The following RAD17 variants were observed in gnomAD, a reference collection of about 807,000 sequenced individuals.
RAD17 encodes the protein RAD17 checkpoint clamp loader component.
Under a neutral mutation model 81.5 loss-of-function variants are expected in RAD17, and 31 were observed. The ratio of observed to expected loss-of-function variants is 0.38; its 90% CI spans 0.29 to 0.51. RAD17 has a LOEUF of 0.51. Among genes scored for constraint, RAD17 ranks in the 20% least tolerant of loss-of-function variants. The probability of loss-of-function intolerance (pLI) is 0.88; values close to 1 mark genes in which losing one functional copy is unlikely to be tolerated. For synonymous variants in RAD17, 261 were observed against 266.2 expected (o/e 0.98, Z 0.19); for missense variants, 681 against 781.2 (o/e 0.87, Z 1.53).
intron 4 of RAD17, 152 bp from the exon 5 acceptor site, chr5:69,373,678 T>C (rs1300551955): frequency 4.3e-6 from 3 of 693,328 alleles, no homozygotes; most frequent in Admixed American, 4.7e-5. Context: ...AGACCCGGTC[T>C]CAAAAAAATT....
intron 12 of RAD17, among the ~76,000 whole-genome samples, chr5:69,390,829 A>G (rs1034643770): frequency 8.6e-5 from 13 of 151,164 alleles, no homozygotes; most frequent in Non-Finnish European, 1.8e-4. Flanking sequence ...ATGGTGGTGC[A>G]TGTAGTCCCG....
chr5:69,392,030 C>G lies in RAD17; in HGVS notation c.1189+17C>G. ...ATTGTAAAAGTAAGAAATTTTTACA[C>G]TTTTAAAATCTGTTGGATATCACAT... On this transcript the variant is annotated intron_variant, in intron 13 of 18. Coordinates refer to ENST00000354868, the MANE Select transcript of RAD17 (RefSeq NM_133338.3). 6.8e-7 allele frequency: 1 copy of G among 1,469,578 alleles called. No individual in the cohort carries two copies. The highest frequency in any genetic ancestry group is 1.5e-5 in the African/African-American group (1 of 68,498). 91.0% of individuals were successfully genotyped at this position (1,469,578 alleles called of 1,614,324 possible). A position where few individuals can be genotyped will look rare whatever the true frequency, so the allele number is the denominator to read the frequency against.
chr5:69,374,009 G>T lies in RAD17; in HGVS notation c.189G>T (p.Gln63His), dbSNP rs1189022096. 2 of 1,611,886 alleles carry T rather than the reference G, an allele frequency of 1.2e-6. No homozygotes were observed. Among genetic ancestry groups the T allele is most frequent in the African/African-American group, 2.7e-5 (2 of 74,762 alleles). ...RKRGNLSSLE[Q>H]IYGLENSKEY... ...GAGGAAATCTATCTTCCTTAGAACA[G>T]ATTTATGGTTTAGAAAATTCAAAAG... is the stretch of plus-strand genomic sequence containing the variant. Residue 63 changes from glutamine to histidine, a missense_variant, in exon 5 of 19, where the codon CAG becomes CAT. By Grantham distance (24) the Gln-to-His change is conservative (BLOSUM62 0). Coordinates refer to ENST00000354868, the MANE Select transcript of RAD17 (RefSeq NM_133338.3).
chr5:69,396,296 A>C (rs1764881405), intron 15 of RAD17, 101 bp from the exon 16 acceptor site: 1 of 1,264,956 alleles, frequency 7.9e-7, no homozygotes, highest in Non-Finnish European at 1.1e-6. Context: ...GAAAGTGAAC[A>C]CATAGAAACT....
chr5:69,404,859 G>C (rs1287707754), intron 17 of RAD17, among the ~76,000 whole-genome samples: 5 of 152,096 alleles, frequency 3.3e-5, no homozygotes, highest in Non-Finnish European at 7.4e-5. Flanking sequence ...AGGATGGTTT[G>C]AGCCTGGGAA....
intron 12 of RAD17, among the ~76,000 whole-genome samples, chr5:69,390,952 CAAA>C (rs66906488): frequency 2.1e-5 from 3 of 142,864 alleles, no homozygotes. Context: ...GACCCTGTGT[CAAA>C]AAAAAAAAAA....
chr5:69,379,816 T>A (rs1763733817), intron 6 of RAD17, among the ~76,000 whole-genome samples: 1 of 152,082 alleles, frequency 6.6e-6, no homozygotes, highest in Non-Finnish European at 1.5e-5. Context: ...TGTCATCTCT[T>A]ATGACAACAG....
At chr5:69,386,528 A>G (rs1288932804) in intron 11 of RAD17, 63 bp downstream of exon 11, 13 of 1,425,854 alleles carry the variant, frequency 9.1e-6, no homozygotes, top group South Asian at 1.8e-5. Flanking sequence ...AAATAGTATT[A>G]TGTAAACTGA....
chr5:69,372,922 TTC>T (rs1457655488), intron 4 of RAD17, among the ~76,000 whole-genome samples: 1 of 152,180 alleles, frequency 6.6e-6, no homozygotes, highest in African/African-American at 2.4e-5. Context: ...TCCCAGGCAT[TTC>T]TGAGTGACAG....
chr5:69,394,888 C>A (rs1764789766), intron 15 of RAD17, among the ~76,000 whole-genome samples: 1 of 152,040 alleles, frequency 6.6e-6, no homozygotes, highest in Admixed American at 6.6e-5. Flanking sequence ...TGATGAAACC[C>A]CATCTCTACA....
At chr5:69,404,039 C>A (rs1765437072) in intron 17 of RAD17, among the ~76,000 whole-genome samples, 1 of 152,130 alleles carries the variant, frequency 6.6e-6, no homozygotes, top group Non-Finnish European at 1.5e-5. Flanking sequence ...AAGATTAGCA[C>A]CACAGACAGG....
At chr5:69,410,965 C>CTACATA (rs1554044688) in intron 18 of RAD17, among the ~76,000 whole-genome samples, 2 of 90,264 alleles carry the variant, frequency 2.2e-5, no homozygotes, top group South Asian at 3.9e-4. Context: ...AGATGTCTGT[C>CTACATA]TATATATATA....
At chr5:69,379,633 A>G (rs1011878816) in intron 6 of RAD17, among the ~76,000 whole-genome samples, 1 of 151,886 alleles carries the variant, frequency 6.6e-6, no homozygotes, top group Non-Finnish European at 1.5e-5. Context: ...TATTCTATAA[A>G]TTTTTTTTGT....
chr5:69,372,146 C>T lies in RAD17; in HGVS notation c.-63C>T. ...ATAATGAAAGATATTTTCATACTCT[C>T]AAAAATATAGAGGAAAGGGGCCAAG... On this transcript the variant is annotated 5_prime_UTR_variant, in exon 4 of 19. Transcript: ENST00000354868. 1 of 1,559,898 alleles carries T rather than the reference C, an allele frequency of 6.4e-7. No homozygotes were observed. Among genetic ancestry groups the T allele is most frequent in the Non-Finnish European group, 8.7e-7 (1 of 1,147,154 alleles).
Position 69,374,612 on chromosome 5 carries a change from G to A in RAD17, c.268-16G>A, listed in dbSNP as rs1443214959. 6.3e-7 allele frequency: 1 copy of A among 1,591,856 alleles called. No individual in the cohort carries two copies. The highest frequency in any genetic ancestry group is 1.8e-5 in the Admixed American group (1 of 55,128). ...AGTTAAGAAGTTTTGTTTTAAATTT[G>A]AAATTTTTGTTGTAGCATGAACTTG... is the stretch of plus-strand genomic sequence containing the variant. On this transcript the variant is annotated splice_polypyrimidine_tract_variant and intron_variant, in intron 5 of 18. Transcript: ENST00000354868.
chr5:69,375,939 G>A (rs1763306860), intron 6 of RAD17, among the ~76,000 whole-genome samples: 1 of 151,830 alleles, frequency 6.6e-6, no homozygotes, highest in Admixed American at 6.6e-5. Flanking sequence ...GTCTCACACT[G>A]GATTTGTTAG....
chr5:69,379,843 A>G (rs1157817569), intron 6 of RAD17, among the ~76,000 whole-genome samples: 1 of 150,784 alleles, frequency 6.6e-6, no homozygotes, highest in East Asian at 1.9e-4. Context: ...CTTCTGCAGT[A>G]CCTCCTGAAG....
intron 16 of RAD17, among the ~76,000 whole-genome samples, chr5:69,397,626 A>C (rs901752263): frequency 2.6e-5 from 4 of 152,186 alleles, no homozygotes; most frequent in African/African-American, 9.7e-5. Flanking sequence ...ATTGTAAATA[A>C]ATAAACCCTA....
rs950640829 is a variant in RAD17 at position 69,371,445 on chromosome 5, C to A, written c.-279-9C>A. ...TCATTTGAGGGCTTCTTCCCCCCCC[C>A]CCCCCCAGGTGAATTATAGTTTAAT... On this transcript the variant is annotated splice_polypyrimidine_tract_variant and intron_variant, in intron 2 of 18. Coordinates refer to ENST00000354868, the MANE Select transcript of RAD17 (RefSeq NM_133338.3). The A allele has an allele frequency of 6.1e-5, 32 of 524,236 alleles. 2 individuals carry two copies. The highest frequency in any genetic ancestry group is 3.7e-4 in the Admixed American group (10 of 26,880). 32.5% of individuals were successfully genotyped at this position (524,236 alleles called of 1,614,324 possible). A position where few individuals can be genotyped will look rare whatever the true frequency, so the allele number is the denominator to read the frequency against.
Sources: allele counts gnomAD v4.1 joint callset (sites outside exome capture counted in the v4.1 genomes callset), GRCh38; gene constraint gnomAD v4.1.1; transcripts MANE v1.5; gene names NCBI Gene and HGNC (gene_info 2026-07-23, HGNC 2026-07-21).